RNLS: variants seen among roughly 807,000 people sequenced by gnomAD.
The protein encoded by RNLS is renalase, FAD dependent amine oxidase, also known as renalase.
Under a neutral mutation model 39.8 loss-of-function variants are expected in RNLS, and 39 were observed. The ratio of observed to expected loss-of-function variants is 0.98; its 90% CI spans 0.76 to 1.28. The LOEUF (loss-of-function observed/expected upper bound fraction) is 1.28, where lower values mean the gene tolerates loss of function less well. Ranked by LOEUF, RNLS falls within the 50% of genes most tolerant of loss-of-function variation. The pLI, the probability that RNLS is intolerant of heterozygous loss-of-function variation, is 0.00. For missense variants in RNLS, 410 were observed against 413.3 expected, an observed-to-expected ratio of 0.99 and a Z score of 0.07; for synonymous variants, 147 against 150.7, an observed-to-expected ratio of 0.98 and a Z score of 0.18.
intron 4 of RNLS, among the ~76,000 whole-genome samples, chr10:88,535,331 G>A (rs1462472380): frequency 2.0e-5 from 3 of 151,984 alleles, no homozygotes; most frequent in African/African-American, 4.8e-5. Flanking sequence ...ATAAAATCAG[G>A]TTGACTGAAA....
intron 5 of RNLS, among the ~76,000 whole-genome samples, chr10:88,350,019 T>C (rs1284277856): frequency 6.6e-6 from 1 of 152,102 alleles, no homozygotes; most frequent in Non-Finnish European, 1.5e-5. Flanking sequence ...ATTACTAATT[T>C]ATCTGAGAGG....
chr10:88,345,542 T>C (rs981121745), intron 5 of RNLS, among the ~76,000 whole-genome samples: 1 of 152,294 alleles, frequency 6.6e-6, no homozygotes, highest in African/African-American at 2.4e-5. Context: ...TGTGTCATTC[T>C]CTCTTCTGTC....
intron 4 of RNLS, among the ~76,000 whole-genome samples, chr10:88,491,519 C>G (rs998570099): frequency 6.6e-6 from 1 of 152,210 alleles, no homozygotes. Flanking sequence ...CTGAGTGCCA[C>G]AAAAACTCCT....
intron 4 of RNLS, among the ~76,000 whole-genome samples, chr10:88,556,464 A>G (rs1167487104): frequency 6.6e-6 from 1 of 152,184 alleles, no homozygotes; most frequent in Non-Finnish European, 1.5e-5. Flanking sequence ...AGCAAGGTAA[A>G]TTCATAATCC....
chr10:88,502,254 C>A (rs1029984306), intron 4 of RNLS, among the ~76,000 whole-genome samples: 1 of 148,200 alleles, frequency 6.7e-6, no homozygotes, highest in Non-Finnish European at 1.5e-5. Flanking sequence ...GAAATTTGAT[C>A]CCCAATGTGG....
At chr10:88,582,887 G>A (rs1850707725) in intron 1 of RNLS, among the ~76,000 whole-genome samples, 186 bp downstream of exon 1, 1 of 152,224 alleles carries the variant, frequency 6.6e-6, no homozygotes, top group South Asian at 2.1e-4. Flanking sequence ...CCTTTTCCCG[G>A]GCGGCGGAAG....
chr10:88,404,139 C>T (rs1401741092), intron 4 of RNLS, among the ~76,000 whole-genome samples: 3 of 152,098 alleles, frequency 2.0e-5, no homozygotes, highest in Non-Finnish European at 2.9e-5. Context: ...AAGCAGTTTT[C>T]TGTTAAATTC....
chr10:88,215,579 C>T, the RNLS span, among the ~76,000 whole-genome samples: 1 of 151,966 alleles, frequency 6.6e-6, no homozygotes, highest in Admixed American at 6.6e-5. Context: ...TCCATGATCA[C>T]TGTTTTGAGA....
intron 4 of RNLS, among the ~76,000 whole-genome samples, chr10:88,496,960 C>A (rs942012591): frequency 1.3e-5 from 2 of 151,924 alleles, no homozygotes; most frequent in Non-Finnish European, 2.9e-5. Context: ...AGTTTGAGAA[C>A]CTCTAATTGA....
At chr10:88,193,943 C>T in the RNLS span, among the ~76,000 whole-genome samples, 6 of 152,160 alleles carry the variant, frequency 3.9e-5, no homozygotes, top group Admixed American at 1.3e-4. Context: ...CTATTTATTT[C>T]GCATTGGTCA....
At chr10:88,492,428 T>C (rs926527104) in intron 4 of RNLS, among the ~76,000 whole-genome samples, 2 of 150,244 alleles carry the variant, frequency 1.3e-5, no homozygotes, top group African/African-American at 4.9e-5. Flanking sequence ...TTTCTTTTTT[T>C]TTTTTTTTGA....
the RNLS span, among the ~76,000 whole-genome samples, chr10:88,207,507 A>AT: frequency 6.6e-6 from 1 of 152,208 alleles, no homozygotes; most frequent in Non-Finnish European, 1.5e-5. Flanking sequence ...AATAGTCAAA[A>AT]TTTAAAAAGA....
the RNLS span, among the ~76,000 whole-genome samples, chr10:88,238,287 C>T: frequency 4.6e-5 from 7 of 152,146 alleles, no homozygotes; most frequent in Non-Finnish European, 1.0e-4. Context: ...AGAAGTTGAG[C>T]CCAATTTCCT....
At chr10:88,251,287 A>G in the RNLS span, among the ~76,000 whole-genome samples, 1 of 152,224 alleles carries the variant, frequency 6.6e-6, no homozygotes. Flanking sequence ...CCTGCACACA[A>G]TGCCTGGCAC....
intron 4 of RNLS, among the ~76,000 whole-genome samples, chr10:88,565,043 G>A (rs977322364): frequency 9.9e-5 from 15 of 152,170 alleles, no homozygotes; most frequent in African/African-American, 4.8e-5. Context: ...AGCTACAGAC[G>A]TGGCTGTTCA....
At chr10:88,356,831 A>G (rs922975454) in intron 5 of RNLS, among the ~76,000 whole-genome samples, 1 of 150,670 alleles carries the variant, frequency 6.6e-6, no homozygotes, top group African/African-American at 2.4e-5. Flanking sequence ...ACTATTGGCT[A>G]TTGGCCATCA....
intron 2 of RNLS, 103 bp downstream of exon 2, chr10:88,582,099 G>A (rs996268662): frequency 4.7e-6 from 4 of 842,834 alleles, no homozygotes; most frequent in Admixed American, 3.0e-5. Context: ...GATATTTATC[G>A]AGCCCTTACT....
At chr10:88,505,117 T>C (rs1845717166) in intron 4 of RNLS, among the ~76,000 whole-genome samples, 1 of 151,906 alleles carries the variant, frequency 6.6e-6, no homozygotes, top group Admixed American at 6.6e-5. Context: ...TAACATTCCC[T>C]ATTAAAAGAA....
chr10:88,468,433 A>C (rs906534455), intron 4 of RNLS, among the ~76,000 whole-genome samples: 1 of 152,144 alleles, frequency 6.6e-6, no homozygotes, highest in African/African-American at 2.4e-5. Flanking sequence ...TATGTCAACT[A>C]TGTTGACAAC....
Sources: gnomAD v4.1 joint callset for allele counts (sites outside exome capture counted in the v4.1 genomes callset) on GRCh38, gnomAD v4.1.1 for gene constraint, MANE v1.5 for transcripts, NCBI Gene and HGNC (gene_info 2026-07-23, HGNC 2026-07-21) for gene names.